Variants in TLK1 observed in about 807,000 individuals in gnomAD.
TLK1 encodes serine/threonine-protein kinase tousled-like 1.
TLK1 carries 24 observed loss-of-function variants against 105.3 expected under a neutral mutation model. The ratio of observed to expected loss-of-function variants is 0.23; its 90% confidence interval spans 0.17 to 0.32. The LOEUF is 0.32. Among genes scored for constraint, TLK1 ranks in the 10% least tolerant of loss-of-function variants. The probability of loss-of-function intolerance (pLI) is 1.00; values close to 1 mark genes in which losing one functional copy is unlikely to be tolerated. For missense variants in TLK1, 558 were observed against 910.5 expected (o/e 0.61, Z 4.98); for synonymous variants, 321 against 310.4 (o/e 1.03, Z -0.36).
chr2:171,026,676 C>A (rs574823751), intron 12 of TLK1, among the ~76,000 whole-genome samples: 12 of 152,172 alleles, frequency 7.9e-5, no homozygotes, highest in Admixed American at 5.2e-4. Context: ...ACTGGTAAAT[C>A]TTTATATGAG....
At chr2:171,091,016 A>G (rs1294864247) in intron 2 of TLK1, among the ~76,000 whole-genome samples, 1 of 152,234 alleles carries the variant, frequency 6.6e-6, no homozygotes, top group East Asian at 1.9e-4. Flanking sequence ...TCTATTAGAC[A>G]GAGTTGCTAT....
intron 11 of TLK1, among the ~76,000 whole-genome samples, chr2:171,043,169 G>A (rs1275189316): frequency 6.6e-6 from 1 of 152,176 alleles, no homozygotes; most frequent in Non-Finnish European, 1.5e-5. Flanking sequence ...CATCACCTGA[G>A]TGGACATTGA....
At chr2:171,124,424 A>T (rs1160920286) in intron 1 of TLK1, among the ~76,000 whole-genome samples, 1 of 152,248 alleles carries the variant, frequency 6.6e-6, no homozygotes, top group Admixed American at 6.5e-5. Flanking sequence ...TTTATTAAAA[A>T]AATTTCAATC....
intron 1 of TLK1, among the ~76,000 whole-genome samples, chr2:171,176,950 A>G (rs1367329505): frequency 6.7e-6 from 1 of 150,130 alleles, no homozygotes; most frequent in Non-Finnish European, 1.5e-5. Context: ...TTCCTGCCTC[A>G]CCCTCCTGAG....
chr2:171,089,384 TAA>T, intron 2 of TLK1, among the ~76,000 whole-genome samples: 1 of 152,336 alleles, frequency 6.6e-6, no homozygotes, highest in South Asian at 2.1e-4. Context: ...TTCATTTTAT[TAA>T]AGTTTTATTG....
chr2:171,063,768 A>G (rs1687863991), intron 3 of TLK1, among the ~76,000 whole-genome samples: 1 of 152,214 alleles, frequency 6.6e-6, no homozygotes. Context: ...CGGGGTAAAC[A>G]AAATTAGATT....
intron 14 of TLK1, among the ~76,000 whole-genome samples, chr2:171,007,804 C>T (rs1684715910): frequency 6.6e-6 from 1 of 152,124 alleles, no homozygotes; most frequent in African/African-American, 2.4e-5. Flanking sequence ...TCCTTCATCT[C>T]ATCTAATACC....
intron 12 of TLK1, among the ~76,000 whole-genome samples, chr2:171,022,104 C>CACACACACACAG (rs1559347761): frequency 9.2e-5 from 14 of 151,658 alleles, no homozygotes; most frequent in East Asian, 1.9e-4. Context: ...CACACACACA[C>CACACACACACAG]ACACACACAC....
chr2:171,101,324 C>G (rs956690254), intron 2 of TLK1, among the ~76,000 whole-genome samples: 1 of 103,406 alleles, frequency 9.7e-6, no homozygotes, highest in African/African-American at 4.1e-5. Flanking sequence ...CCAGCCTGGA[C>G]AACAAGAGTG....
chr2:171,153,394 T>C (rs1342800183), intron 1 of TLK1, among the ~76,000 whole-genome samples: 1 of 152,208 alleles, frequency 6.6e-6, no homozygotes, highest in Non-Finnish European at 1.5e-5. Flanking sequence ...CACTTAAGAA[T>C]TACTAAAATA....
At chr2:171,165,101 G>T (rs1409006268), upstream of TLK1, among the ~76,000 whole-genome samples, 1 of 152,238 alleles carries the variant, frequency 6.6e-6, no homozygotes, top group Non-Finnish European at 1.5e-5. Context: ...AGCAAGAAGA[G>T]ATCATTGGAA....
intron 18 of TLK1, among the ~76,000 whole-genome samples, chr2:171,005,840 C>T (rs1684627807): frequency 6.6e-6 from 1 of 152,112 alleles, no homozygotes; most frequent in Admixed American, 6.5e-5. Flanking sequence ...TGATGAACAT[C>T]ACGCTAACAT....
At chr2:171,215,530 T>C (rs1412034160) in intron 1 of TLK1, among the ~76,000 whole-genome samples, 1 of 152,200 alleles carries the variant, frequency 6.6e-6, no homozygotes, top group African/African-American at 2.4e-5. Context: ...GATGTATTGC[T>C]CTTACTCTGA....
chr2:171,014,768 G>T, intron 13 of TLK1, 83 bp downstream of exon 13: 1 of 1,050,946 alleles, frequency 9.5e-7, no homozygotes, highest in Admixed American at 2.1e-5. Context: ...GACAACCCAA[G>T]AAGGAAATAT....
At chr2:171,060,071 G>T in intron 4 of TLK1, 3 of 1,578,146 alleles carry the variant, frequency 1.9e-6, no homozygotes, top group South Asian at 2.3e-5. Context: ...CTGAAAGCCA[G>T]ACTAAAGCAA....
intron 1 of TLK1, among the ~76,000 whole-genome samples, chr2:171,153,631 C>T (rs1453617132): frequency 1.3e-5 from 2 of 152,138 alleles, no homozygotes; most frequent in African/African-American, 4.8e-5. Context: ...GATGCAGATG[C>T]TATGGAAACA....
intron 1 of TLK1, among the ~76,000 whole-genome samples, chr2:171,205,411 T>C (rs1283484548): frequency 2.6e-5 from 4 of 151,942 alleles, no homozygotes; most frequent in African/African-American, 9.7e-5. Flanking sequence ...CAGCCTTGAC[T>C]ACCCAGGCTC....
At chr2:171,186,720 T>G (rs1421912289) in intron 1 of TLK1, among the ~76,000 whole-genome samples, 1 of 152,092 alleles carries the variant, frequency 6.6e-6, no homozygotes, top group African/African-American at 2.4e-5. Context: ...TCATAGTAAC[T>G]TCCATATTAG....
intron 1 of TLK1, among the ~76,000 whole-genome samples, chr2:171,190,810 T>A (rs893976122): frequency 2.6e-5 from 4 of 152,246 alleles, no homozygotes; most frequent in Non-Finnish European, 5.9e-5. Context: ...TATCAGTTTT[T>A]AAAATCTAAT....
Sources: allele counts gnomAD v4.1 joint callset (sites outside exome capture counted in the v4.1 genomes callset), GRCh38; gene constraint gnomAD v4.1.1; transcripts MANE v1.5; gene names NCBI Gene and HGNC (gene_info 2026-07-23, HGNC 2026-07-21).